The following CHL1 variants were observed in gnomAD, a reference collection of about 807,000 sequenced individuals.
The protein encoded by CHL1 is neural cell adhesion molecule L1-like protein.
Under a neutral mutation model 141.9 loss-of-function variants are expected in CHL1, and 96 were observed. The ratio of observed to expected loss-of-function variants is 0.68; its 90% CI spans 0.57 to 0.80. CHL1 has a LOEUF of 0.80. Ranked by LOEUF, CHL1 falls within the 30% of genes least tolerant of loss-of-function variation. The pLI is 0.00. For synonymous variants in CHL1, 613 were observed against 502.2 expected (o/e 1.22, Z -2.95); for missense variants, 1,820 against 1,457.2 (o/e 1.25, Z -4.05).
intron 15 of CHL1, chr3:376,454 A>G (rs1464566172): frequency 2.0e-6 from 1 of 509,198 alleles, no homozygotes; most frequent in Non-Finnish European, 3.9e-6. Flanking sequence ...CCACATTTCG[A>G]GGACTAGTGA....
intron 11 of CHL1, among the ~76,000 whole-genome samples, chr3:359,438 G>A (rs1349718278): frequency 6.6e-6 from 1 of 151,888 alleles, no homozygotes; most frequent in Non-Finnish European, 1.5e-5. Flanking sequence ...AACTAGCTGG[G>A]GTTACAGGAG....
At chr3:253,896 C>T (rs1209795548) in intron 2 of CHL1, among the ~76,000 whole-genome samples, 1 of 152,150 alleles carries the variant, frequency 6.6e-6, no homozygotes, top group Non-Finnish European at 1.5e-5. Context: ...TAGAAAAGGA[C>T]ACAAATTTAA....
intron 1 of CHL1, among the ~76,000 whole-genome samples, chr3:214,464 A>G (rs774856966): frequency 4.6e-5 from 7 of 152,210 alleles, no homozygotes; most frequent in Non-Finnish European, 8.8e-5. Flanking sequence ...AATATTTCCT[A>G]CATTTTTTAA....
intron 2 of CHL1, among the ~76,000 whole-genome samples, chr3:312,708 T>C (rs1699849583): frequency 1.3e-5 from 2 of 152,176 alleles, no homozygotes; most frequent in South Asian, 4.1e-4. Flanking sequence ...ATCCACTCCA[T>C]CATGAAAATG....
At chr3:257,719 T>C (rs967913802) in intron 2 of CHL1, among the ~76,000 whole-genome samples, 1 of 152,162 alleles carries the variant, frequency 6.6e-6, no homozygotes, top group Non-Finnish European at 1.5e-5. Context: ...CTATTTAAAA[T>C]TGTTTTTATT....
chr3:392,035 A>G (rs1708269506), intron 23 of CHL1, among the ~76,000 whole-genome samples: 1 of 152,206 alleles, frequency 6.6e-6, no homozygotes, highest in Non-Finnish European at 1.5e-5. Flanking sequence ...ATATGTCTAC[A>G]GCTACTTTCT....
At chr3:242,487 C>G (rs543819253) in intron 1 of CHL1, among the ~76,000 whole-genome samples, 1 of 149,784 alleles carries the variant, frequency 6.7e-6, no homozygotes, top group South Asian at 2.1e-4. Context: ...TCCCAGCTAC[C>G]TGGGAGGCTG....
At chr3:298,677 G>C (rs1698431910) in intron 2 of CHL1, among the ~76,000 whole-genome samples, 1 of 152,132 alleles carries the variant, frequency 6.6e-6, no homozygotes, top group Non-Finnish European at 1.5e-5. Context: ...ATGTTTAATA[G>C]GAGATTTGAC....
At chr3:328,070 A>C in intron 4 of CHL1, 97 bp from the exon 5 acceptor site, 1 of 865,394 alleles carries the variant, frequency 1.2e-6, no homozygotes. Context: ...TTTATCATAA[A>C]ATGTCTTGGT....
chr3:376,565 C>T (rs1323400185), intron 15 of CHL1, among the ~76,000 whole-genome samples: 11 of 152,320 alleles, frequency 7.2e-5, no homozygotes, highest in East Asian at 1.9e-4. Flanking sequence ...TGGTAGCTTT[C>T]TTCTCTGGCC....
Position 318,804 on chromosome 3 carries a change from C to G in CHL1, c.-94-879C>G, listed in dbSNP as rs183821360. Among the ~76,000 whole-genome samples the G allele has an allele frequency of 7.8e-3, 1,182 of 151,204 alleles. 6 individuals are homozygous for G. The highest frequency in any genetic ancestry group is 0.011 in the Non-Finnish European group (770 of 67,688). On this transcript the variant is annotated intron_variant, in intron 2 of 27. Coordinates refer to ENST00000256509, the MANE Select transcript of CHL1 (RefSeq NM_006614.4). ...CTTTGAAGATGAAAAGCTATTTCAC[C>G]GGAAAAATCATTGATGTATTTGTGA...
chr3:408,954 A>G lies in CHL1; in HGVS notation c.*3243A>G, dbSNP rs1709697375. 6.6e-6 allele frequency: 1 copy of G among 152,094 alleles called. No homozygotes were observed. Among genetic ancestry groups the G allele is most frequent in the South Asian group, 2.1e-4 (1 of 4,830 alleles). The allele number at this position is 152,094 out of a possible 1,614,324, so 9.4% of individuals were successfully genotyped here. A position where few individuals can be genotyped will look rare whatever the true frequency, so the allele number is the denominator to read the frequency against. On this transcript the variant is annotated 3_prime_UTR_variant, in exon 28 of 28. Coordinates refer to ENST00000256509, the MANE Select transcript of CHL1 (RefSeq NM_006614.4). ...TTCCTATTTTATACTCATGGAAGAGATAAGCTAAAGAGGGGACAATAATGA... is the reference window on the plus strand; with the variant it reads ...TTCCTATTTTATACTCATGGAAGAGGTAAGCTAAAGAGGGGACAATAATGA...
chr3:301,703 A>G lies in CHL1; in HGVS notation c.-94-17980A>G, dbSNP rs76553964. 5.5e-3 allele frequency among the ~76,000 whole-genome samples: 839 copies of G among 152,320 alleles called. 9 individuals are homozygous for G. The highest frequency in any genetic ancestry group is 6.6e-3 in the Non-Finnish European group (449 of 68,022). ...AGTAGTTACATTGTGCAATTACTAC[A>G]TGGAAATTACTTGCTGTCTTGTAGT... On this transcript the variant is annotated intron_variant, in intron 2 of 27. Transcript: ENST00000256509.
rs373244591 is a variant in CHL1, at chr3:337,346, A to G, written c.386-3448A>G. Among the ~76,000 whole-genome samples, 244 of 135,372 alleles carry G rather than the reference A, an allele frequency of 1.8e-3. 1 individual carries two copies. The highest frequency in any genetic ancestry group is 6.0e-3 in the African/African-American group (215 of 35,742). The allele number at this position is 135,372 out of a possible 152,430, so 88.8% of individuals were successfully genotyped here. On this transcript the variant is annotated intron_variant, in intron 5 of 27. Coordinates refer to ENST00000256509, the MANE Select transcript of CHL1 (RefSeq NM_006614.4). Reference sequence around the variant, plus strand: ...GCTGGGACCACAGGCGCCCGCCACCACGCCCGGCTAATTTTTTTATATATA... The same window carrying G: ...GCTGGGACCACAGGCGCCCGCCACCGCGCCCGGCTAATTTTTTTATATATA...
At chr3:400,900 C>CTT (rs71058770) in intron 26 of CHL1, among the ~76,000 whole-genome samples, 51,074 of 112,256 alleles carry the variant, frequency 0.45, 13,525 homozygotes, top group Middle Eastern at 0.71. Flanking sequence ...AAATGACTGC[C>CTT]TTTTTTTTTT....
In CHL1 at chr3:405,927, G is replaced by A; in HGVS notation, c.*216G>A. 1 of 466,816 alleles carries A rather than the reference G, an allele frequency of 2.1e-6. No homozygotes were observed. The highest frequency in any genetic ancestry group is 3.9e-6 in the Non-Finnish European group (1 of 259,126). The allele number at this position is 466,816 out of a possible 1,614,324, so 28.9% of individuals were successfully genotyped here. A position where few individuals can be genotyped will look rare whatever the true frequency, so the allele number is the denominator to read the frequency against. On this transcript the variant is annotated 3_prime_UTR_variant, in exon 28 of 28. Coordinates refer to ENST00000256509, the MANE Select transcript of CHL1 (RefSeq NM_006614.4). ...TATGTTTTGCTTATATTGTTTTCAG[G>A]TGCTCAAAATGCAAAACACAAAACA... is the stretch of plus-strand genomic sequence containing the variant.
At chr3:348,258 G>A (rs1289736939) in intron 9 of CHL1, among the ~76,000 whole-genome samples, 1 of 152,142 alleles carries the variant, frequency 6.6e-6, no homozygotes, top group Admixed American at 6.5e-5. Flanking sequence ...ATTTATTGGA[G>A]CTTCAGACTC....
At chr3:243,386 A>G (rs1016067303) in intron 1 of CHL1, among the ~76,000 whole-genome samples, 1 of 152,198 alleles carries the variant, frequency 6.6e-6, no homozygotes, top group Admixed American at 6.5e-5. Context: ...GTCAGAAGCC[A>G]TATTAAATGC....
intron 3 of CHL1, among the ~76,000 whole-genome samples, chr3:324,010 A>G (rs1296210220): frequency 6.6e-6 from 1 of 152,162 alleles, no homozygotes; most frequent in Non-Finnish European, 1.5e-5. Flanking sequence ...AAACATTTTG[A>G]AAGACATTTT....
Sources: allele counts gnomAD v4.1 joint callset (sites outside exome capture counted in the v4.1 genomes callset), GRCh38; gene constraint gnomAD v4.1.1; transcripts MANE v1.5; gene names NCBI Gene and HGNC (gene_info 2026-07-23, HGNC 2026-07-21).